The following SLC24A2 variants were observed in gnomAD, a reference collection of about 807,000 sequenced individuals.
The protein encoded by SLC24A2 is solute carrier family 24 member 2.
In SLC24A2, 36 loss-of-function variants were observed where a neutral mutation model predicts 62.0. The observed-to-expected ratio is 0.58, with a 90% confidence interval of 0.44 to 0.77. The LOEUF (loss-of-function observed/expected upper bound fraction) is 0.77. Ranked by LOEUF, SLC24A2 falls within the 30% of genes least tolerant of loss-of-function variation. The pLI is 0.00. For missense variants in SLC24A2, 846 were observed against 817.9 expected, an observed-to-expected ratio of 1.03 and a Z score of -0.42; for synonymous variants, 358 against 294.0, an observed-to-expected ratio of 1.22 and a Z score of -2.23.
At chr9:19,913,993 A>G in the SLC24A2 span, among the ~76,000 whole-genome samples, 2 of 152,050 alleles carry the variant, frequency 1.3e-5, no homozygotes, top group African/African-American at 4.8e-5. Context: ...AATCTTGATC[A>G]GCGGTGGTAT....
chr9:19,829,278 G>T, the SLC24A2 span, among the ~76,000 whole-genome samples: 1 of 152,086 alleles, frequency 6.6e-6, no homozygotes, highest in Non-Finnish European at 1.5e-5. Flanking sequence ...CCATATGAAG[G>T]GGCACAGAGA....
At chr9:19,992,503 T>C in the SLC24A2 span, among the ~76,000 whole-genome samples, 2 of 152,212 alleles carry the variant, frequency 1.3e-5, no homozygotes, top group Non-Finnish European at 2.9e-5. Flanking sequence ...TACCGTTCCA[T>C]TCAAATTGGC....
the SLC24A2 span, among the ~76,000 whole-genome samples, chr9:20,213,426 CA>C: frequency 6.7e-6 from 1 of 148,378 alleles, no homozygotes; most frequent in Non-Finnish European, 1.5e-5. Context: ...AGAAAAGAAA[CA>C]AAAATTTTTA....
rs749341162 is a variant in SLC24A2, at chr9:19,786,594, A to T, written c.273T>A (p.Asn91Lys). Reference protein sequence around the residue: ...GYHQRTLLDLNDKILDYTPQP... With the variant: ...GYHQRTLLDLKDKILDYTPQP... ...GTGGAGTATAATCCAGAATCTTGTC[A>T]TTTAAATCTAAGAGAGTTCTCTGAT... The change falls in exon 2 of 11, where the codon AAT becomes AAA. Residue 91 changes from asparagine (N) to lysine (K), a missense_variant. Physicochemically the swap from Asn to Lys is moderately conservative, Grantham distance 94. Coordinates refer to ENST00000341998, the MANE Select transcript of SLC24A2 (RefSeq NM_020344.4). This position sits in a 1 kb window ranked among gnomAD's most constrained non-coding sequence, Gnocchi z 5.0. The T allele has an allele frequency of 6.2e-7, 1 of 1,614,182 alleles. No homozygotes were observed. Among genetic ancestry groups the T allele is most frequent in the South Asian group, 1.1e-5 (1 of 91,084 alleles).
chr9:20,245,254 A>G, the SLC24A2 span, among the ~76,000 whole-genome samples: 1 of 152,306 alleles, frequency 6.6e-6, no homozygotes, highest in South Asian at 2.1e-4. Flanking sequence ...GACAGGTGCT[A>G]TAACTGAGTT....
intron 2 of SLC24A2, among the ~76,000 whole-genome samples, chr9:19,678,674 C>A (rs539427997): frequency 2.0e-5 from 3 of 152,266 alleles, no homozygotes; most frequent in African/African-American, 4.8e-5. Context: ...TTTCAACTAA[C>A]AGAAATTAGG....
chr9:19,720,812 A>G (rs1379381367), intron 2 of SLC24A2, among the ~76,000 whole-genome samples: 1 of 148,152 alleles, frequency 6.7e-6, no homozygotes, highest in Non-Finnish European at 1.5e-5. Context: ...TGTAGTTCTA[A>G]AACAATTTGT....
the SLC24A2 span, among the ~76,000 whole-genome samples, chr9:20,266,937 C>T: frequency 6.6e-6 from 1 of 151,904 alleles, no homozygotes; most frequent in African/African-American, 2.4e-5. Flanking sequence ...AAATAATCAG[C>T]TAGGCATAGT....
intron 2 of SLC24A2, among the ~76,000 whole-genome samples, chr9:19,638,717 C>T (rs1017463835): frequency 1.4e-4 from 22 of 152,164 alleles, no homozygotes; most frequent in African/African-American, 4.8e-4. Flanking sequence ...AGCCTCAGTA[C>T]CTACACATAT....
the SLC24A2 span, among the ~76,000 whole-genome samples, chr9:20,203,804 C>T: frequency 2.0e-5 from 3 of 152,278 alleles, no homozygotes; most frequent in Admixed American, 6.5e-5. Context: ...TCTGTGGCAG[C>T]GGTACCTTTA....
At chr9:19,564,579 G>A (rs1435756106) in intron 7 of SLC24A2, among the ~76,000 whole-genome samples, 1 of 152,020 alleles carries the variant, frequency 6.6e-6, no homozygotes, top group African/African-American at 2.4e-5. Context: ...TCCTAGGAAT[G>A]TCATTTTCTT....
chr9:19,743,996 C>T (rs1821755689), intron 2 of SLC24A2, among the ~76,000 whole-genome samples: 1 of 152,002 alleles, frequency 6.6e-6, no homozygotes, highest in Non-Finnish European at 1.5e-5. Flanking sequence ...AGACCAAAAC[C>T]CAGTCCTGAT....
the SLC24A2 span, among the ~76,000 whole-genome samples, chr9:19,977,394 G>A: frequency 6.6e-6 from 1 of 152,212 alleles, no homozygotes; most frequent in Non-Finnish European, 1.5e-5. Flanking sequence ...TAGAGATAAA[G>A]GAGAAAAATA....
the SLC24A2 span, among the ~76,000 whole-genome samples, chr9:19,957,124 G>A: frequency 3.3e-5 from 5 of 152,294 alleles, no homozygotes; most frequent in East Asian, 1.9e-4. Context: ...TAAATGATAC[G>A]AAATATAATA....
chr9:19,659,028 C>A (rs919942096), intron 2 of SLC24A2, among the ~76,000 whole-genome samples: 1 of 152,148 alleles, frequency 6.6e-6, no homozygotes, highest in African/African-American at 2.4e-5. Context: ...GAAATCCTAA[C>A]CCCCAGTACT....
At chr9:20,041,406 G>A in the SLC24A2 span, among the ~76,000 whole-genome samples, 1 of 152,228 alleles carries the variant, frequency 6.6e-6, no homozygotes, top group Non-Finnish European at 1.5e-5. Flanking sequence ...CGCCTGCTGT[G>A]GCAATCAGCT....
intron 7 of SLC24A2, among the ~76,000 whole-genome samples, chr9:19,572,085 C>A (rs1367365276): frequency 1.5e-5 from 1 of 64,682 alleles, no homozygotes; most frequent in African/African-American, 3.9e-5. Context: ...GCCTGATCAA[C>A]TGAAACCCCA....
chr9:19,640,334 T>C (rs1818459498), intron 2 of SLC24A2, among the ~76,000 whole-genome samples: 1 of 152,228 alleles, frequency 6.6e-6, no homozygotes, highest in Admixed American at 6.5e-5. Context: ...TCTTTTCAGA[T>C]ATTAAAGTTG....
the SLC24A2 span, among the ~76,000 whole-genome samples, chr9:19,999,402 G>A: frequency 6.6e-6 from 1 of 152,128 alleles, no homozygotes; most frequent in Admixed American, 6.5e-5. Flanking sequence ...TTATATTCTT[G>A]GACAAATGGT....
Sources: allele counts gnomAD v4.1 joint callset (sites outside exome capture counted in the v4.1 genomes callset), GRCh38; gene constraint gnomAD v4.1.1; non-coding constraint Gnocchi (gnomAD v3.1); transcripts MANE v1.5; gene names NCBI Gene and HGNC (gene_info 2026-07-23, HGNC 2026-07-21).